DLC1: variants seen among roughly 807,000 people sequenced by gnomAD.
DLC1 encodes rho GTPase-activating protein 7.
DLC1 carries 54 observed loss-of-function variants against 140.3 expected under a neutral mutation model. The observed-to-expected ratio is 0.38, with a 90% confidence interval of 0.31 to 0.48. The LOEUF is 0.48. Among genes scored for constraint, DLC1 ranks in the 20% least tolerant of loss-of-function variants. DLC1 has a pLI of 0.96. For synonymous variants in DLC1, 986 were observed against 728.1 expected (o/e 1.35, Z -5.70); for missense variants, 2,536 against 1,907.0 (o/e 1.33, Z -6.14).
intron 5 of DLC1, among the ~76,000 whole-genome samples, chr8:13,123,197 G>A (rs1821252823): frequency 6.6e-6 from 1 of 152,136 alleles, no homozygotes; most frequent in Non-Finnish European, 1.5e-5. Flanking sequence ...GTTAGTGAGT[G>A]CCCCTTTCAT....
At chr8:13,378,866 C>G (rs1017041667) in intron 4 of DLC1, among the ~76,000 whole-genome samples, 2 of 152,182 alleles carry the variant, frequency 1.3e-5, no homozygotes, top group East Asian at 3.9e-4. Context: ...TCCACTCTGA[C>G]AATATTCTTA....
intron 5 of DLC1, among the ~76,000 whole-genome samples, chr8:13,299,637 A>T (rs1832102451): frequency 6.6e-6 from 1 of 152,140 alleles, no homozygotes; most frequent in Non-Finnish European, 1.5e-5. Context: ...AGCAACCAAC[A>T]AACAAAATGA....
intron 4 of DLC1, among the ~76,000 whole-genome samples, chr8:13,347,963 C>T (rs541932072): frequency 3.9e-5 from 6 of 152,106 alleles, no homozygotes; most frequent in African/African-American, 1.4e-4. Context: ...GTGGCAGGCA[C>T]CTGTAGTCCC....
intron 5 of DLC1, among the ~76,000 whole-genome samples, chr8:13,244,149 T>C (rs1411726757): frequency 1.3e-5 from 2 of 152,148 alleles, no homozygotes; most frequent in African/African-American, 4.8e-5. Flanking sequence ...ACCCATTCCC[T>C]ACTGTTTAGC....
chr8:13,577,191 A>G (rs1212333214), intron 1 of DLC1, among the ~76,000 whole-genome samples: 2 of 152,148 alleles, frequency 1.3e-5, no homozygotes, highest in South Asian at 2.1e-4. Flanking sequence ...GGACTTTATA[A>G]TAGGTTTCAC....
intron 4 of DLC1, among the ~76,000 whole-genome samples, chr8:13,319,119 C>T (rs1019025698): frequency 6.6e-6 from 1 of 152,170 alleles, no homozygotes; most frequent in Non-Finnish European, 1.5e-5. Flanking sequence ...TACCTTTCAT[C>T]AGACTCAAAC....
chr8:13,279,855 C>T (rs1831305330), intron 5 of DLC1, among the ~76,000 whole-genome samples: 1 of 152,178 alleles, frequency 6.6e-6, no homozygotes, highest in South Asian at 2.1e-4. Flanking sequence ...AAACTTCAAA[C>T]TATCCCAGTT....
chr8:13,178,740 T>A (rs1435098425), intron 5 of DLC1, among the ~76,000 whole-genome samples: 1 of 151,666 alleles, frequency 6.6e-6, no homozygotes, highest in African/African-American at 2.4e-5. Flanking sequence ...AAAAGACAGA[T>A]AATCCTCTAC....
chr8:13,343,299 A>G (rs1203689648), intron 4 of DLC1, among the ~76,000 whole-genome samples: 1 of 152,212 alleles, frequency 6.6e-6, no homozygotes, highest in Non-Finnish European at 1.5e-5. Context: ...CTGAGCAGAA[A>G]GTGATGGCTC....
At chr8:13,098,191 C>T (rs1366272503) in intron 10 of DLC1, among the ~76,000 whole-genome samples, 1 of 152,030 alleles carries the variant, frequency 6.6e-6, no homozygotes, top group African/African-American at 2.4e-5. Context: ...CACCACTGCA[C>T]CGCACTCCAG....
chr8:13,404,033 G>A (rs944257553), intron 2 of DLC1, among the ~76,000 whole-genome samples: 2 of 151,800 alleles, frequency 1.3e-5, no homozygotes, highest in Non-Finnish European at 2.9e-5. Context: ...TTTATCCTAA[G>A]GTTATTTTTT....
At chr8:13,481,244 A>G (rs967787620) in intron 2 of DLC1, among the ~76,000 whole-genome samples, 1 of 152,088 alleles carries the variant, frequency 6.6e-6, no homozygotes, top group African/African-American at 2.4e-5. Flanking sequence ...GGGCAATATG[A>G]CAAAACCCCA....
intron 1 of DLC1, among the ~76,000 whole-genome samples, chr8:13,555,894 C>T (rs1585270596): frequency 6.6e-6 from 1 of 151,976 alleles, no homozygotes; most frequent in Non-Finnish European, 1.5e-5. Flanking sequence ...GGTTTCATCA[C>T]ATTTTCCCCT....
At chr8:13,250,554 G>C (rs1247664010) in intron 5 of DLC1, among the ~76,000 whole-genome samples, 1 of 152,110 alleles carries the variant, frequency 6.6e-6, no homozygotes, top group African/African-American at 2.4e-5. Flanking sequence ...TATCACCATA[G>C]TTTCATAAGA....
intron 2 of DLC1, among the ~76,000 whole-genome samples, chr8:13,414,076 C>G (rs961121100): frequency 6.6e-6 from 1 of 152,054 alleles, no homozygotes; most frequent in East Asian, 1.9e-4. Context: ...AAAGCTGACA[C>G]CACAAACACG....
In DLC1 at chr8:13,099,778, C is replaced by T; in HGVS notation, c.2559G>A (p.Arg853=). The change falls in exon 9 of 18, where the codon AGG becomes AGA. Residue 853 remains arginine (R), a synonymous_variant. Coordinates refer to ENST00000276297, the MANE Select transcript of DLC1 (RefSeq NM_182643.3). The part of the protein sequence containing the change: ...FHGPGHISLR[R]ENSSDSPKEL... ...CCTTGGGGCTGTCGCTACTGTTTTC[C>T]CTCCTGAGGCTGATGTGGCCAGGGC... 2 of 1,614,112 alleles carry T rather than the reference C, an allele frequency of 1.2e-6. No individual in the cohort carries two copies. The highest frequency in any genetic ancestry group is 1.7e-6 in the Non-Finnish European group (2 of 1,180,024).
chr8:13,403,733 CGGG>C (rs1176077516), intron 2 of DLC1, among the ~76,000 whole-genome samples: 2 of 149,784 alleles, frequency 1.3e-5, no homozygotes, highest in Admixed American at 1.3e-4. Flanking sequence ...CTGGATCTCT[CGGG>C]ATCCAAGTGA....
intron 1 of DLC1, among the ~76,000 whole-genome samples, chr8:13,570,852 C>G (rs1047677341): frequency 6.6e-6 from 1 of 152,128 alleles, no homozygotes; most frequent in Non-Finnish European, 1.5e-5. Flanking sequence ...AGAGTCTCCC[C>G]TCTACCCTGT....
chr8:13,603,043 G>A (rs1805940016), intron 1 of DLC1, among the ~76,000 whole-genome samples: 1 of 151,786 alleles, frequency 6.6e-6, no homozygotes, highest in Non-Finnish European at 1.5e-5. Flanking sequence ...TAACCCAACT[G>A]TTGATATGAC....
Sources: allele counts gnomAD v4.1 joint callset (sites outside exome capture counted in the v4.1 genomes callset), GRCh38; gene constraint gnomAD v4.1.1; transcripts MANE v1.5; gene names NCBI Gene and HGNC (gene_info 2026-07-23, HGNC 2026-07-21).